The following PCP4 variants were observed in gnomAD, a reference collection of about 807,000 sequenced individuals.
PCP4 encodes Purkinje cell protein 4.
A neutral mutation model predicts 10.0 loss-of-function variants in PCP4; 8 were observed. The observed-to-expected ratio is 0.80, with a 90% CI of 0.47 to 1.45. The LOEUF (loss-of-function observed/expected upper bound fraction) is 1.45, where lower values mean the gene tolerates loss of function less well. Ranked by LOEUF, PCP4 falls within the 40% of genes most tolerant of loss-of-function variation. PCP4 has a pLI of 0.00. For missense variants in PCP4, 54 were observed against 74.4 expected (o/e 0.73, Z 1.01); for synonymous variants, 21 against 23.0 (o/e 0.91, Z 0.24).
rs193160489 is a variant in PCP4, at chr21:39,923,320, G to A, written c.62-5664G>A. ...CAGCCTTGATGGGCAGAAAGCAGAC[G>A]TGAGGCACCGAGGCAGCTTAACTGG... On this transcript the variant is annotated intron_variant, in intron 2 of 2. Coordinates refer to ENST00000328619, the MANE Select transcript of PCP4 (RefSeq NM_006198.3). Among the ~76,000 whole-genome samples, 182 of 152,330 alleles carry A rather than the reference G, an allele frequency of 1.2e-3. 1 individual carries two copies. The highest frequency in any genetic ancestry group is 4.1e-3 in the African/African-American group (171 of 41,582).
chr21:39,922,743 G>A (rs1292010735), intron 2 of PCP4, among the ~76,000 whole-genome samples: 1 of 152,204 alleles, frequency 6.6e-6, no homozygotes, highest in East Asian at 1.9e-4. Context: ...TGTGACAGGT[G>A]CACAGGTAAT....
At chr21:39,909,950 C>A (rs1393810755) in intron 2 of PCP4, among the ~76,000 whole-genome samples, 1 of 152,052 alleles carries the variant, frequency 6.6e-6, no homozygotes, top group Non-Finnish European at 1.5e-5. Flanking sequence ...CGCCCGCCAC[C>A]ACGTCTGGCT....
chr21:39,874,793 C>T (rs1256415636), intron 1 of PCP4, among the ~76,000 whole-genome samples: 3 of 152,096 alleles, frequency 2.0e-5, no homozygotes, highest in Admixed American at 6.6e-5. Flanking sequence ...AGTAGCTCCC[C>T]CTTATCTTCA....
chr21:39,879,592 A>G (rs2087362396), intron 1 of PCP4, among the ~76,000 whole-genome samples: 1 of 152,218 alleles, frequency 6.6e-6, no homozygotes, highest in South Asian at 2.1e-4. Flanking sequence ...AGGTACAAGC[A>G]GTGGCGTCGG....
At chr21:39,888,308 A>AT (rs2087410655) in intron 1 of PCP4, among the ~76,000 whole-genome samples, 1 of 152,228 alleles carries the variant, frequency 6.6e-6, no homozygotes, top group African/African-American at 2.4e-5. Flanking sequence ...GACGTTGGGA[A>AT]CGGGGGGCAA....
At chr21:39,924,978 A>G (rs1362940335) in intron 2 of PCP4, among the ~76,000 whole-genome samples, 1 of 152,208 alleles carries the variant, frequency 6.6e-6, no homozygotes, top group African/African-American at 2.4e-5. Context: ...GCCCAGGGGC[A>G]TGAGGGTACA....
intron 1 of PCP4, among the ~76,000 whole-genome samples, chr21:39,868,215 G>A (rs1165986164): frequency 2.6e-5 from 4 of 152,188 alleles, no homozygotes; most frequent in Admixed American, 2.0e-4. Flanking sequence ...TCTCATCTAT[G>A]AAGCAGATTA....
At chr21:39,903,882 A>AAC (rs1555849181) in intron 2 of PCP4, among the ~76,000 whole-genome samples, 3 of 143,914 alleles carry the variant, frequency 2.1e-5, no homozygotes, top group Non-Finnish European at 3.1e-5. Context: ...AAAACAAAAA[A>AAC]AAAAAAAAAA....
chr21:39,902,902 A>G (rs1386272014), intron 2 of PCP4, among the ~76,000 whole-genome samples: 1 of 152,186 alleles, frequency 6.6e-6, no homozygotes, highest in Non-Finnish European at 1.5e-5. Context: ...TCCATTATAA[A>G]TCTTTCTGTC....
chr21:39,904,505 G>A (rs1171842614), intron 2 of PCP4, among the ~76,000 whole-genome samples: 4 of 152,222 alleles, frequency 2.6e-5, no homozygotes, highest in Non-Finnish European at 4.4e-5. Context: ...TATCATGCCC[G>A]AGAGAGGAGG....
rs1391698141 is a variant in PCP4 at position 39,898,547 on chromosome 21, C to T, written c.61+20C>T. On this transcript the variant is annotated intron_variant, in intron 2 of 2. Transcript: ENST00000328619. ...AAAATGGTAAGAGGACATGAATAGTCCAAGTTCTTTCTCTTTTGCCATCTG... is the reference window on the plus strand; with the variant it reads ...AAAATGGTAAGAGGACATGAATAGTTCAAGTTCTTTCTCTTTTGCCATCTG... 1 of 1,605,054 alleles carries T rather than the reference C, an allele frequency of 6.2e-7. No individual in the cohort carries two copies. The highest frequency in any genetic ancestry group is 1.7e-5 in the Admixed American group (1 of 59,976).
chr21:39,899,743 C>T (rs1008260368), intron 2 of PCP4, among the ~76,000 whole-genome samples: 9 of 152,102 alleles, frequency 5.9e-5, no homozygotes, highest in Admixed American at 1.3e-4. Flanking sequence ...CTTTTCCTGT[C>T]TCCTGTGTGT....
At chr21:39,911,397 G>A (rs1208447583) in intron 2 of PCP4, among the ~76,000 whole-genome samples, 1 of 152,158 alleles carries the variant, frequency 6.6e-6, no homozygotes, top group Non-Finnish European at 1.5e-5. Context: ...TAGAAAGGAG[G>A]CTGGCACCCC....
At position 39,871,296 on chromosome 21, in the gene PCP4, C is replaced by T. The variant is rs1467851323; in HGVS notation, c.9+3786C>T. Reference sequence around the variant, plus strand: ...GGACTAAGGTTAAAACGAAACAGATCCTAAGAAGAGAAAGATTATGGCTTT... The same window carrying T: ...GGACTAAGGTTAAAACGAAACAGATTCTAAGAAGAGAAAGATTATGGCTTT... On this transcript the variant is annotated intron_variant, in intron 1 of 2. Transcript: ENST00000328619. 2.0e-5 allele frequency among the ~76,000 whole-genome samples: 3 copies of T among 152,276 alleles called. No homozygotes were observed. In the East Asian group the frequency reaches 5.8e-4, roughly 29 times the overall value.
intron 2 of PCP4, among the ~76,000 whole-genome samples, chr21:39,904,415 C>T (rs554180486): frequency 6.6e-6 from 1 of 152,222 alleles, no homozygotes; most frequent in South Asian, 2.1e-4. Context: ...AGTAAGGCTT[C>T]GTGTGCAAGG....
At chr21:39,882,176 G>A (rs2249609) in intron 1 of PCP4, among the ~76,000 whole-genome samples, 28,983 of 152,224 alleles carry the variant, frequency 0.19, 2,980 homozygotes, top group South Asian at 0.39. Flanking sequence ...CTAAATATGG[G>A]CTTCTCTTGA....
intron 1 of PCP4, among the ~76,000 whole-genome samples, chr21:39,879,504 T>A (rs1466569078): frequency 6.6e-6 from 1 of 152,178 alleles, no homozygotes; most frequent in Non-Finnish European, 1.5e-5. Flanking sequence ...CCTATGAGAG[T>A]TCCCCCACAG....
In PCP4 at chr21:39,883,825, A is replaced by G. The variant is rs554046336; in HGVS notation, c.10-14651A>G. ...ACTATATTGCAAGTTGAATACAATG[A>G]AAAAAAAAGGAGAAACATCTCTTCT... is the stretch of plus-strand genomic sequence containing the variant. On this transcript the variant is annotated intron_variant, in intron 1 of 2. Coordinates refer to ENST00000328619, the MANE Select transcript of PCP4 (RefSeq NM_006198.3). Among the ~76,000 whole-genome samples, 35 of 151,638 alleles carry G rather than the reference A, an allele frequency of 2.3e-4. No homozygotes were observed. The South Asian group carries it at 6.7e-3, about 29-fold the overall frequency.
intron 1 of PCP4, among the ~76,000 whole-genome samples, chr21:39,887,524 T>C (rs1338784727): frequency 6.6e-6 from 1 of 152,200 alleles, no homozygotes; most frequent in African/African-American, 2.4e-5. Context: ...TGTCACAAAA[T>C]GTAGGCATAA....
Sources: gnomAD v4.1 joint callset for allele counts (sites outside exome capture counted in the v4.1 genomes callset) on GRCh38, gnomAD v4.1.1 for gene constraint, MANE v1.5 for transcripts, NCBI Gene and HGNC (gene_info 2026-07-23, HGNC 2026-07-21) for gene names.